ZZEF1: variants seen among roughly 807,000 people sequenced by gnomAD.
The protein encoded by ZZEF1 is zinc finger ZZ-type and EF-hand domain-containing protein 1.
A neutral mutation model predicts 342.8 loss-of-function variants in ZZEF1; 157 were observed. The observed-to-expected ratio is 0.46, with a 90% confidence interval of 0.40 to 0.52. The LOEUF (loss-of-function observed/expected upper bound fraction) is 0.52. Among genes scored for constraint, ZZEF1 ranks in the 20% least tolerant of loss-of-function variants. ZZEF1 has a pLI of 0.00. For missense variants in ZZEF1, 3,480 were observed against 3,725.6 expected (o/e 0.93, Z 1.72); for synonymous variants, 1,505 against 1,429.1 (o/e 1.05, Z -1.20).
rs2056127912 is a variant in ZZEF1, at chr17:4,017,185, CCT to C, written c.8001+184_8001+185del. On this transcript the variant is annotated intron_variant, in intron 48 of 54. Transcript: ENST00000381638. The surrounding 1 kb of genome is among the most constrained non-coding windows in gnomAD (Gnocchi z 5.1). ...TCAGCTGGAAATCGCGCTCAGGGCC[CCT>C]GAGTTCCTCACTAGCCCAATCCTTG... is the stretch of plus-strand genomic sequence containing the variant. 8 of 787,530 alleles carry C rather than the reference CCT, an allele frequency of 1.0e-5. No homozygotes were observed. The highest frequency in any genetic ancestry group is 2.8e-5 in the East Asian group (1 of 35,668). 48.8% of individuals were successfully genotyped at this position (787,530 alleles called of 1,614,324 possible).
chr17:4,054,460 T>A (rs968881265), intron 33 of ZZEF1, among the ~76,000 whole-genome samples: 2 of 152,074 alleles, frequency 1.3e-5, no homozygotes, highest in Non-Finnish European at 2.9e-5. Flanking sequence ...ATTCAGAAGG[T>A]CAAAGAAGGT....
chr17:4,053,911 A>T, intron 34 of ZZEF1, 146 bp downstream of exon 34: 1 of 844,880 alleles, frequency 1.2e-6, no homozygotes, highest in Non-Finnish European at 1.8e-6. Flanking sequence ...TGAGGAGATA[A>T]GGCTCATGTT....
intron 2 of ZZEF1, among the ~76,000 whole-genome samples, chr17:4,119,532 C>T (rs938254295): frequency 2.0e-5 from 3 of 152,212 alleles, no homozygotes; most frequent in Non-Finnish European, 2.9e-5. Context: ...TTATCCACTG[C>T]GTCCCGTTCT....
chr17:4,053,923 G>A (rs950705704), intron 34 of ZZEF1, 134 bp downstream of exon 34: 21 of 988,300 alleles, frequency 2.1e-5, no homozygotes, highest in Non-Finnish European at 2.6e-5. Context: ...GCTCATGTTC[G>A]CCAAGAAGTC....
chr17:4,114,583 A>C, intron 3 of ZZEF1, 113 bp from the exon 4 acceptor site: 1 of 874,690 alleles, frequency 1.1e-6, no homozygotes, highest in South Asian at 3.1e-5. Context: ...TAGAAACACA[A>C]ATCTTCCTTA....
chr17:4,096,520 A>G (rs768647969), intron 10 of ZZEF1, 89 bp downstream of exon 10: 116 of 1,098,346 alleles, frequency 1.1e-4, no homozygotes, highest in Middle Eastern at 6.5e-4. Flanking sequence ...CACCTCATGT[A>G]CCCCACAAAT....
chr17:4,109,065 A>AT (rs1298616717), intron 6 of ZZEF1, among the ~76,000 whole-genome samples: 3 of 151,856 alleles, frequency 2.0e-5, no homozygotes, highest in Admixed American at 6.6e-5. Context: ...TGCCCTAATG[A>AT]TTTTTTTTCA....
intron 18 of ZZEF1, among the ~76,000 whole-genome samples, chr17:4,080,084 G>T (rs183871088): frequency 1.3e-5 from 2 of 152,280 alleles, no homozygotes; most frequent in East Asian, 3.9e-4. Flanking sequence ...TTAGAAAAAT[G>T]CAGGTTCTTA....
At chr17:4,142,409 C>T (rs757718813) in intron 1 of ZZEF1, 133 bp downstream of exon 1, 118 of 945,268 alleles carry the variant, frequency 1.2e-4, no homozygotes, top group Non-Finnish European at 1.7e-4. Flanking sequence ...ACGAAGCAAA[C>T]GCCTGGTGAA....
At chr17:4,085,329 A>G (rs2057798670) in intron 16 of ZZEF1, among the ~76,000 whole-genome samples, 1 of 152,158 alleles carries the variant, frequency 6.6e-6, no homozygotes, top group Non-Finnish European at 1.5e-5. Flanking sequence ...GGCATTCACT[A>G]TACTATTTAG....
chr17:4,015,032 A>T, intron 49 of ZZEF1, among the ~76,000 whole-genome samples: 1 of 152,134 alleles, frequency 6.6e-6, no homozygotes, highest in East Asian at 1.9e-4. Flanking sequence ...AGGCACTCAG[A>T]CTCTGGACAA....
intron 46 of ZZEF1, among the ~76,000 whole-genome samples, chr17:4,019,153 A>G (rs543760536): frequency 6.6e-6 from 1 of 152,252 alleles, no homozygotes; most frequent in Non-Finnish European, 1.5e-5. Flanking sequence ...GAAACACAAA[A>G]TAAAAGAAAA....
chr17:4,027,546 C>T (rs538534025), intron 42 of ZZEF1, among the ~76,000 whole-genome samples: 7 of 149,732 alleles, frequency 4.7e-5, no homozygotes, highest in East Asian at 2.0e-4. Flanking sequence ...CAGCCCGCCT[C>T]GGCCTCCCAA....
intron 30 of ZZEF1, among the ~76,000 whole-genome samples, chr17:4,060,806 G>A (rs986072027): frequency 2.2e-4 from 33 of 152,190 alleles, no homozygotes; most frequent in Admixed American, 1.8e-3. Flanking sequence ...CAGCCAACTT[G>A]TGGACACCGT....
At chr17:4,068,825 C>T (rs2145259660) in intron 26 of ZZEF1, among the ~76,000 whole-genome samples, 1 of 152,316 alleles carries the variant, frequency 6.6e-6, no homozygotes, top group Admixed American at 6.5e-5. Flanking sequence ...AAAAACTCCT[C>T]CCCACCCTTT....
At chr17:4,037,744 T>C (rs1230265393) in intron 39 of ZZEF1, among the ~76,000 whole-genome samples, 1 of 152,118 alleles carries the variant, frequency 6.6e-6, no homozygotes, top group African/African-American at 2.4e-5. Flanking sequence ...CCACCATGCC[T>C]GGTTAATTTT....
At chr17:4,104,149 C>G (rs2058172071) in intron 8 of ZZEF1, among the ~76,000 whole-genome samples, 1 of 152,158 alleles carries the variant, frequency 6.6e-6, no homozygotes, top group South Asian at 2.1e-4. Flanking sequence ...GGGGGGAAAG[C>G]AGTGGCAGAC....
chr17:4,052,931 G>T (rs552155876), intron 34 of ZZEF1, among the ~76,000 whole-genome samples: 1 of 152,256 alleles, frequency 6.6e-6, no homozygotes, highest in Non-Finnish European at 1.5e-5. Flanking sequence ...TAACAGTCAG[G>T]AAAGAGATGG....
chr17:4,114,358 T>C lies in ZZEF1; in HGVS notation c.807A>G (p.Thr269=). ...SSNSADIDKM[T]NGETSSYWQS... ...GCCAGTAGGATGAGGTTTCTCCATT[T>C]GTCATCTTGTCAATGTCTGCCGAGT... Residue 269 remains threonine, a synonymous_variant, in exon 4 of 55, where the codon ACA becomes ACG. Transcript: ENST00000381638. 1 of 1,612,492 alleles carries C rather than the reference T, an allele frequency of 6.2e-7. No homozygotes were observed. Among genetic ancestry groups the C allele is most frequent in the Non-Finnish European group, 8.5e-7 (1 of 1,179,320 alleles).
Sources: allele counts gnomAD v4.1 joint callset (sites outside exome capture counted in the v4.1 genomes callset), GRCh38; gene constraint gnomAD v4.1.1; non-coding constraint Gnocchi (gnomAD v3.1); transcripts MANE v1.5; gene names NCBI Gene and HGNC (gene_info 2026-07-23, HGNC 2026-07-21).